The following DLGAP3 variants were observed in gnomAD, a reference collection of about 807,000 sequenced individuals.
DLGAP3 encodes the protein disks large-associated protein 3.
DLGAP3 carries 17 observed loss-of-function variants against 81.2 expected under a neutral mutation model. The ratio of observed to expected loss-of-function variants is 0.21; its 90% CI spans 0.14 to 0.31. The LOEUF is 0.31. DLGAP3 is among the 10% of genes least tolerant of loss of function. DLGAP3 has a pLI of 1.00. For synonymous variants in DLGAP3, 577 were observed against 587.4 expected (o/e 0.98, Z 0.26); for missense variants, 1,124 against 1,388.0 (o/e 0.81, Z 3.02).
chr1:34,904,137 G>A lies in DLGAP3; in HGVS notation c.1107+140C>T, dbSNP rs1161215223. 4 of 1,018,806 alleles carry A rather than the reference G, an allele frequency of 3.9e-6. No homozygotes were observed. The highest frequency in any genetic ancestry group is 6.0e-6 in the Non-Finnish European group (4 of 661,834). The allele number at this position is 1,018,806 out of a possible 1,614,324, so 63.1% of individuals were successfully genotyped here. The stretch of plus-strand genomic sequence containing the variant: ...CCAAAGGAGCTCAGAGTGACCCAAT[G>A]GGGCAGGGCAGAGCCTCCCTACACC... On this transcript the variant is annotated intron_variant, in intron 3 of 11. Transcript: ENST00000373347. This position sits in a 1 kb window ranked among gnomAD's most constrained non-coding sequence, Gnocchi z 8.1.
Position 34,868,734 on chromosome 1 carries a change from C to G in DLGAP3, c.2356G>C (p.Gly786Arg). Reference sequence around the variant, plus strand: ...TCGCGTGGGCAGGGGGATGCGCGGCCTGAGTCGGGGAGGCTACGTGAACCG... The same window carrying G: ...TCGCGTGGGCAGGGGGATGCGCGGCGTGAGTCGGGGAGGCTACGTGAACCG... ...ERGSRSLPDSGRASPCPRDGE... is the reference protein window; with the variant it reads ...ERGSRSLPDSRRASPCPRDGE... The change falls in exon 9 of 12, where the codon GGC (glycine) becomes CGC (arginine). Residue 786 changes from glycine to arginine, a missense_variant. Transcript: ENST00000373347. The surrounding 1 kb of genome is among the most constrained non-coding windows in gnomAD (Gnocchi z 7.5). 1 of 1,609,280 alleles carries G rather than the reference C, an allele frequency of 6.2e-7. No individual in the cohort carries two copies. The highest frequency in any genetic ancestry group is 8.5e-7 in the Non-Finnish European group (1 of 1,179,916).
At position 34,900,784 on chromosome 1, in the gene DLGAP3, C is replaced by T. The variant is rs1367728373; in HGVS notation, c.1108-511G>A. 2.0e-5 allele frequency among the ~76,000 whole-genome samples: 3 copies of T among 152,214 alleles called. No individual in the cohort carries two copies. The highest frequency in any genetic ancestry group is 4.4e-5 in the Non-Finnish European group (3 of 68,046). Reference sequence around the variant, plus strand: ...AGGCTGGATTGTGGAGGGCCAGGAGCAGGGCAGAGGCTCAAGTGGCGAGAG... The same window carrying T: ...AGGCTGGATTGTGGAGGGCCAGGAGTAGGGCAGAGGCTCAAGTGGCGAGAG... On this transcript the variant is annotated intron_variant, in intron 3 of 11. Coordinates refer to ENST00000373347, the MANE Select transcript of DLGAP3 (RefSeq NM_001080418.3). The surrounding 1 kb of genome is among the most constrained non-coding windows in gnomAD (Gnocchi z 5.6).
rs773184820 is a variant in DLGAP3 at position 34,905,037 on chromosome 1, C to CG, written c.346dup (p.Arg116ProfsTer11). 1 of 1,604,502 alleles carries CG rather than the reference C, an allele frequency of 6.2e-7. No individual in the cohort carries two copies. On this transcript the variant is annotated frameshift_variant, in exon 3 of 12. Coordinates refer to ENST00000373347, the MANE Select transcript of DLGAP3 (RefSeq NM_001080418.3). LOFTEE classifies it high-confidence loss of function. ...CTGATCCAGGAGTGTAGGAGGCAGG[C>CG]GGGGGGCACCCTTGCCCTGTGGGTG... is the stretch of plus-strand genomic sequence containing the variant.
intron 5 of DLGAP3, among the ~76,000 whole-genome samples, chr1:34,892,233 A>G (rs544807754): frequency 1.3e-5 from 2 of 152,366 alleles, no homozygotes; most frequent in South Asian, 4.1e-4. Context: ...TTAAAAATTC[A>G]GTAGAGGAGC....
intron 8 of DLGAP3, among the ~76,000 whole-genome samples, chr1:34,879,517 C>T (rs1397674920): frequency 6.6e-6 from 1 of 152,128 alleles, no homozygotes; most frequent in Non-Finnish European, 1.5e-5. Flanking sequence ...CAGTCCCTGG[C>T]CTGGGGTTTG....
chr1:34,886,306 A>T (rs1266599569), intron 5 of DLGAP3, 21 bp from the exon 6 acceptor site: 1 of 1,553,294 alleles, frequency 6.4e-7, no homozygotes, highest in Non-Finnish European at 8.7e-7. Flanking sequence ...GGGGGTCGGG[A>T]GGACAGTTAT....
chr1:34,874,365 C>T (rs1397234657), intron 8 of DLGAP3, among the ~76,000 whole-genome samples: 10 of 152,166 alleles, frequency 6.6e-5, no homozygotes, highest in South Asian at 6.2e-4. Flanking sequence ...CCACTCCTAA[C>T]TATAACAGAT....
chr1:34,874,319 G>A (rs1412018644), intron 8 of DLGAP3, among the ~76,000 whole-genome samples: 1 of 152,148 alleles, frequency 6.6e-6, no homozygotes. Context: ...TTAAATCACT[G>A]TTGTTTGGGG....
At chr1:34,899,826 T>G in intron 4 of DLGAP3, 85 bp from the exon 5 acceptor site, 1 of 1,285,142 alleles carries the variant, frequency 7.8e-7, no homozygotes, top group South Asian at 1.2e-5. Flanking sequence ...GGCCCCTGAG[T>G]AAGTCCTATT....
chr1:34,870,654 C>T (rs1350470503), intron 8 of DLGAP3, among the ~76,000 whole-genome samples: 2 of 152,240 alleles, frequency 1.3e-5, no homozygotes, highest in African/African-American at 2.4e-5. Context: ...TCCCAACCCC[C>T]ACCCAGAGAG....
intron 8 of DLGAP3, among the ~76,000 whole-genome samples, chr1:34,872,270 G>A (rs917483589): frequency 6.6e-6 from 1 of 152,174 alleles, no homozygotes; most frequent in Non-Finnish European, 1.5e-5. Context: ...AGGTGCCCAC[G>A]GATTTTGCAA....
At position 34,895,568 on chromosome 1, in the gene DLGAP3, C is replaced by T. The variant is rs1433775826; in HGVS notation, c.1386+4101G>A. On this transcript the variant is annotated intron_variant, in intron 5 of 11. Coordinates refer to ENST00000373347, the MANE Select transcript of DLGAP3 (RefSeq NM_001080418.3). This position sits in a 1 kb window ranked among gnomAD's most constrained non-coding sequence, Gnocchi z 4.5. ...TCCCAACTATATTTTTTATAGAAATCAACAAGCCTACCCAAAATCCATGTG... is the reference window on the plus strand; with the variant it reads ...TCCCAACTATATTTTTTATAGAAATTAACAAGCCTACCCAAAATCCATGTG... Among the ~76,000 whole-genome samples the T allele has an allele frequency of 6.6e-6, 1 of 151,966 alleles. No individual in the cohort carries two copies. The highest frequency in any genetic ancestry group is 2.4e-5 in the African/African-American group (1 of 41,388).
At chr1:34,880,057 CT>C (rs1397171522) in intron 8 of DLGAP3, among the ~76,000 whole-genome samples, 2 of 152,030 alleles carry the variant, frequency 1.3e-5, no homozygotes, top group East Asian at 3.9e-4. Flanking sequence ...CTTTCCCCCC[CT>C]TTTCTTTCTT....
intron 5 of DLGAP3, among the ~76,000 whole-genome samples, chr1:34,897,878 GA>G (rs1163510799): frequency 6.6e-6 from 1 of 152,164 alleles, no homozygotes; most frequent in Admixed American, 6.5e-5. Flanking sequence ...TGAGTTGTGA[GA>G]GAGAGAAAGT....
intron 2 of DLGAP3, among the ~76,000 whole-genome samples, chr1:34,905,998 G>A (rs1303626944): frequency 4.8e-5 from 2 of 41,576 alleles, no homozygotes; most frequent in African/African-American, 1.4e-4. Context: ...GCAACAGAGC[G>A]AGACCTGGCC....
At chr1:34,869,389 C>A (rs1035145443) in intron 8 of DLGAP3, among the ~76,000 whole-genome samples, 1 of 151,954 alleles carries the variant, frequency 6.6e-6, no homozygotes, top group Non-Finnish European at 1.5e-5. Flanking sequence ...TGCAGCAGTG[C>A]CCTGGAGAGG....
At chr1:34,928,420 C>T (rs1639904918) in intron 1 of DLGAP3, among the ~76,000 whole-genome samples, 1 of 140,960 alleles carries the variant, frequency 7.1e-6, no homozygotes, top group African/African-American at 3.2e-5. Flanking sequence ...CCCAGATCCC[C>T]CCTCCCACCC....
intron 1 of DLGAP3, among the ~76,000 whole-genome samples, chr1:34,909,489 A>G (rs1639608378): frequency 6.6e-6 from 1 of 152,218 alleles, no homozygotes; most frequent in South Asian, 2.1e-4. Flanking sequence ...ATAGGTATCA[A>G]ATAATAAAAT....
intron 8 of DLGAP3, among the ~76,000 whole-genome samples, chr1:34,875,238 G>T (rs1047514466): frequency 3.9e-5 from 6 of 152,288 alleles, no homozygotes; most frequent in Admixed American, 3.3e-4. Flanking sequence ...AGCTAGAAAT[G>T]ACCATAATGT....
Sources: allele counts gnomAD v4.1 joint callset (sites outside exome capture counted in the v4.1 genomes callset), GRCh38; gene constraint gnomAD v4.1.1; non-coding constraint Gnocchi (gnomAD v3.1); transcripts MANE v1.5; gene names NCBI Gene and HGNC (gene_info 2026-07-23, HGNC 2026-07-21).